KCNH5: variants seen among roughly 807,000 people sequenced by gnomAD.
KCNH5 encodes the protein potassium voltage-gated channel subfamily H member 5.
KCNH5 carries 46 observed loss-of-function variants against 96.1 expected under a neutral mutation model. The ratio of observed to expected loss-of-function variants is 0.48; its 90% CI spans 0.38 to 0.61. The LOEUF (loss-of-function observed/expected upper bound fraction) is 0.61, where lower values mean the gene tolerates loss of function less well. Ranked by LOEUF, KCNH5 falls within the 20% of genes least tolerant of loss-of-function variation. The probability of loss-of-function intolerance (pLI) is 0.00; values close to 1 mark genes in which losing one functional copy is unlikely to be tolerated. For missense variants in KCNH5, 907 were observed against 1,225.8 expected, an observed-to-expected ratio of 0.74 and a Z score of 3.88; for synonymous variants, 439 against 449.8, an observed-to-expected ratio of 0.98 and a Z score of 0.30.
intron 7 of KCNH5, among the ~76,000 whole-genome samples, chr14:62,914,772 T>C (rs1889242258): frequency 6.6e-6 from 1 of 152,198 alleles, no homozygotes; most frequent in East Asian, 1.9e-4. Flanking sequence ...TTTCTGTTGT[T>C]TATAAGCTCC....
chr14:62,902,591 T>G (rs1888949760), intron 7 of KCNH5, among the ~76,000 whole-genome samples: 1 of 152,212 alleles, frequency 6.6e-6, no homozygotes, highest in African/African-American at 2.4e-5. Context: ...GAGCCCAATT[T>G]TTTAGTCAGA....
chr14:62,713,840 T>C (rs1018756767), intron 10 of KCNH5, among the ~76,000 whole-genome samples: 2 of 152,242 alleles, frequency 1.3e-5, no homozygotes, highest in African/African-American at 4.8e-5. Flanking sequence ...TACAAGTCCT[T>C]ACAGTTTTAG....
intron 10 of KCNH5, among the ~76,000 whole-genome samples, chr14:62,778,368 C>T (rs1470489252): frequency 6.6e-6 from 1 of 152,056 alleles, no homozygotes; most frequent in East Asian, 1.9e-4. Flanking sequence ...TGTAAGTGGA[C>T]CCTCGTGGTT....
intron 6 of KCNH5, among the ~76,000 whole-genome samples, chr14:62,966,221 A>G (rs1890302694): frequency 6.6e-6 from 1 of 152,214 alleles, no homozygotes; most frequent in Non-Finnish European, 1.5e-5. Context: ...CTGTATTTGT[A>G]TCTGCAATAC....
intron 10 of KCNH5, among the ~76,000 whole-genome samples, chr14:62,754,961 A>G (rs1322705923): frequency 1.3e-5 from 2 of 150,128 alleles, no homozygotes; most frequent in African/African-American, 4.9e-5. Context: ...CAAAAACTAT[A>G]TAAAGAGACA....
At chr14:62,879,267 T>C (rs761051855) in intron 7 of KCNH5, among the ~76,000 whole-genome samples, 4 of 152,188 alleles carry the variant, frequency 2.6e-5, no homozygotes, top group Non-Finnish European at 4.4e-5. Context: ...CTGGTAGGAA[T>C]GCAAATTGGT....
At chr14:63,038,131 A>T (rs1287923581) in intron 1 of KCNH5, among the ~76,000 whole-genome samples, 1 of 152,198 alleles carries the variant, frequency 6.6e-6, no homozygotes, top group Non-Finnish European at 1.5e-5. Flanking sequence ...TGATTAACTA[A>T]ATAGTTTAAA....
At chr14:62,998,828 T>A (rs181998916) in intron 4 of KCNH5, among the ~76,000 whole-genome samples, 3 of 152,328 alleles carry the variant, frequency 2.0e-5, no homozygotes, top group Non-Finnish European at 4.4e-5. Context: ...AGATTTATAT[T>A]TTTTTAAATT....
At chr14:62,744,836 A>G (rs1424828431) in intron 10 of KCNH5, among the ~76,000 whole-genome samples, 1 of 152,174 alleles carries the variant, frequency 6.6e-6, no homozygotes, top group Non-Finnish European at 1.5e-5. Flanking sequence ...GAATTTTTTT[A>G]CACACCACAT....
At chr14:62,977,610 G>GA (rs370659997) in intron 6 of KCNH5, among the ~76,000 whole-genome samples, 13 of 152,180 alleles carry the variant, frequency 8.5e-5, no homozygotes, top group African/African-American at 2.6e-4. Context: ...AGAATCCCCT[G>GA]AAAAAATTTG....
At chr14:62,810,408 C>T (rs1886849460) in intron 8 of KCNH5, among the ~76,000 whole-genome samples, 1 of 152,026 alleles carries the variant, frequency 6.6e-6, no homozygotes, top group African/African-American at 2.4e-5. Context: ...AGAACAAGTC[C>T]ATCTTGAATA....
intron 7 of KCNH5, among the ~76,000 whole-genome samples, chr14:62,913,304 T>G (rs181001128): frequency 2.0e-5 from 3 of 152,270 alleles, no homozygotes; most frequent in African/African-American, 4.8e-5. Flanking sequence ...CTCGGCTCAC[T>G]GCAACGTCCG....
intron 1 of KCNH5, among the ~76,000 whole-genome samples, chr14:63,019,414 TACTATAGTAATTAAGTAA>T (rs539822636): frequency 2.5e-3 from 385 of 152,224 alleles, no homozygotes; most frequent in Non-Finnish European, 3.6e-3. Context: ...AACAAAGTTC[TACTATAGTAATTAAGTAA>T]ACTATAGTAA....
At chr14:62,954,228 C>T (rs17100567) in intron 6 of KCNH5, among the ~76,000 whole-genome samples, 5,106 of 152,226 alleles carry the variant, frequency 0.034, 304 homozygotes, top group African/African-American at 0.11. Context: ...TGTGCACTTC[C>T]CTGACATCAT....
chr14:62,884,664 A>G (rs1010965150), intron 7 of KCNH5, among the ~76,000 whole-genome samples: 1 of 152,142 alleles, frequency 6.6e-6, no homozygotes, highest in South Asian at 2.1e-4. Context: ...CTTTCCATGT[A>G]TACAGCTTTG....
chr14:62,977,239 C>T (rs1020024904), intron 6 of KCNH5, among the ~76,000 whole-genome samples: 18 of 151,976 alleles, frequency 1.2e-4, no homozygotes, highest in East Asian at 9.7e-4. Context: ...TGGTGGTGCG[C>T]GCCTCTAGTC....
At chr14:63,032,177 G>A (rs10130015) in intron 1 of KCNH5, among the ~76,000 whole-genome samples, 38,052 of 151,140 alleles carry the variant, frequency 0.25, 5,624 homozygotes, top group African/African-American at 0.4. Context: ...AGTCAGCTGC[G>A]TTTTCCCTCT....
chr14:62,980,937 A>C lies in KCNH5; in HGVS notation c.877T>G (p.Phe293Val). ...AAACAAGACAGCAGATCGATCACAA[A>C]CCAAGTTTTCAGATAGTTCATCCTT... The part of the protein sequence containing the change: ...LIRMNYLKTW[F>V]VIDLLSCLPY... The change falls in exon 6 of 11, where the codon TTT becomes GTT. Residue 293 changes from phenylalanine (F) to valine (V), a missense_variant. Transcript: ENST00000322893. 6.2e-7 allele frequency: 1 copy of C among 1,614,104 alleles called. No homozygotes were observed. The highest frequency in any genetic ancestry group is 8.5e-7 in the Non-Finnish European group (1 of 1,180,006).
intron 7 of KCNH5, among the ~76,000 whole-genome samples, chr14:62,905,605 T>C (rs1412682705): frequency 2.0e-5 from 3 of 152,208 alleles, no homozygotes; most frequent in African/African-American, 7.2e-5. Context: ...CTGCTAAATG[T>C]GTTCAATTGC....
Sources: allele counts gnomAD v4.1 joint callset (sites outside exome capture counted in the v4.1 genomes callset), GRCh38; gene constraint gnomAD v4.1.1; transcripts MANE v1.5; gene names NCBI Gene and HGNC (gene_info 2026-07-23, HGNC 2026-07-21).